Variants in RIMKLB observed in about 807,000 individuals in gnomAD.
The protein encoded by RIMKLB is ribosomal modification protein rimK like family member B.
A neutral mutation model predicts 32.0 loss-of-function variants in RIMKLB; 7 were observed. That is an observed-to-expected ratio of 0.22 (90% CI 0.12 to 0.41). RIMKLB has a LOEUF of 0.41. RIMKLB is among the 10% of genes least tolerant of loss of function. RIMKLB has a pLI of 1.00. For synonymous variants in RIMKLB, 172 were observed against 185.1 expected (o/e 0.93, Z 0.57); for missense variants, 289 against 498.7 (o/e 0.58, Z 4.00).
At chr12:8,716,193 C>T (rs1944812732) in intron 2 of RIMKLB, among the ~76,000 whole-genome samples, 1 of 152,082 alleles carries the variant, frequency 6.6e-6, no homozygotes, top group African/African-American at 2.4e-5. Flanking sequence ...AAATGGGCAT[C>T]TCTATTTTTT....
chr12:8,687,569 C>G (rs1490433744), intron 1 of RIMKLB, among the ~76,000 whole-genome samples: 1 of 152,046 alleles, frequency 6.6e-6, no homozygotes, highest in Admixed American at 6.6e-5. Flanking sequence ...CTCGTCTTTC[C>G]TTTGTAAGTC....
intron 5 of RIMKLB, among the ~76,000 whole-genome samples, chr12:8,761,745 C>G (rs898554741): frequency 1.3e-5 from 2 of 152,044 alleles, no homozygotes; most frequent in African/African-American, 4.8e-5. Flanking sequence ...GTCTGTCAGT[C>G]CCCCCTCTCA....
chr12:8,729,056 A>G (rs753094875), intron 2 of RIMKLB, among the ~76,000 whole-genome samples: 4 of 152,198 alleles, frequency 2.6e-5, no homozygotes, highest in Admixed American at 2.0e-4. Context: ...GGCAAGAGCA[A>G]ACTTCATACT....
At chr12:8,675,279 C>T in the RIMKLB span, among the ~76,000 whole-genome samples, 1 of 152,110 alleles carries the variant, frequency 6.6e-6, no homozygotes, top group African/African-American at 2.4e-5. Flanking sequence ...CTGACCAGTC[C>T]CTACTTTTGA....
At position 8,775,119 on chromosome 12, in the gene RIMKLB, G is replaced by C. The variant is rs943735690; in HGVS notation, c.*1335G>C. On this transcript the variant is annotated 3_prime_UTR_variant, in exon 6 of 6. Coordinates refer to ENST00000535829, the MANE Select transcript of RIMKLB (RefSeq NM_001297776.2). ...GTACGTTGTTTGTTTTTTTCCTTTT[G>C]TTTCTAGCCTGTTCAGTGTACAGTT... 6.1e-6 allele frequency: 6 copies of C among 985,222 alleles called. No individual in the cohort carries two copies. Among genetic ancestry groups the C allele is most frequent in the Non-Finnish European group, 7.2e-6 (6 of 829,766 alleles). 61.0% of individuals were successfully genotyped at this position (985,222 alleles called of 1,614,324 possible). A position where few individuals can be genotyped will look rare whatever the true frequency, so the allele number is the denominator to read the frequency against.
chr12:8,703,283 C>CA (rs201594548), intron 1 of RIMKLB, among the ~76,000 whole-genome samples: 4,871 of 149,686 alleles, frequency 0.033, 261 homozygotes, highest in African/African-American at 0.12. Context: ...GACTCCCTCT[C>CA]AAAAAAAAGA....
intron 5 of RIMKLB, among the ~76,000 whole-genome samples, chr12:8,769,155 A>T (rs1950206545): frequency 6.6e-6 from 1 of 152,146 alleles, no homozygotes; most frequent in Admixed American, 6.5e-5. Context: ...TCTTTGATCC[A>T]AGGGATCAGT....
downstream of RIMKLB, chr12:8,780,742 A>G (rs1462110972): frequency 2.0e-5 from 3 of 152,220 alleles, no homozygotes; most frequent in African/African-American, 7.2e-5. Context: ...TCTAAATGGT[A>G]AGTTATCTTT....
intron 2 of RIMKLB, among the ~76,000 whole-genome samples, chr12:8,736,517 C>CTTTT (rs1157484475): frequency 6.9e-4 from 88 of 126,744 alleles, no homozygotes; most frequent in African/African-American, 2.5e-3. Context: ...CATGTATTTC[C>CTTTT]TTTTTTTTTT....
At chr12:8,706,287 C>A (rs1943871858) in intron 1 of RIMKLB, among the ~76,000 whole-genome samples, 1 of 151,552 alleles carries the variant, frequency 6.6e-6, no homozygotes, top group Non-Finnish European at 1.5e-5. Context: ...TTACAGGTGC[C>A]CACCACCATG....
At chr12:8,712,335 C>T (rs1944446619) in intron 1 of RIMKLB, among the ~76,000 whole-genome samples, 1 of 152,012 alleles carries the variant, frequency 6.6e-6, no homozygotes, top group African/African-American at 2.4e-5. Flanking sequence ...TCACTTGAAC[C>T]CGGGAAGCGG....
chr12:8,668,662 T>A, the RIMKLB span: 1 of 152,344 alleles, frequency 6.6e-6, no homozygotes, highest in African/African-American at 2.4e-5. Context: ...TTTATTAAGA[T>A]GCCCAAGTGG....
intron 2 of RIMKLB, among the ~76,000 whole-genome samples, chr12:8,717,845 T>TC (rs1426131137): frequency 6.6e-6 from 1 of 152,242 alleles, no homozygotes; most frequent in Non-Finnish European, 1.5e-5. Context: ...TGCCTAATCC[T>TC]CCAAGTTTTT....
intron 1 of RIMKLB, among the ~76,000 whole-genome samples, chr12:8,705,399 C>T (rs1943777521): frequency 6.6e-6 from 1 of 151,298 alleles, no homozygotes; most frequent in Admixed American, 6.6e-5. Flanking sequence ...ATCGCTTGAA[C>T]CCGGGAGGCA....
intron 3 of RIMKLB, among the ~76,000 whole-genome samples, chr12:8,750,877 A>T (rs1474711124): frequency 6.7e-6 from 1 of 149,446 alleles, no homozygotes; most frequent in African/African-American, 2.6e-5. Flanking sequence ...GAAAAGATCA[A>T]ACTTAAATCA....
chr12:8,757,372 T>A (rs926499389), intron 5 of RIMKLB, among the ~76,000 whole-genome samples: 12 of 150,324 alleles, frequency 8.0e-5, no homozygotes, highest in Non-Finnish European at 1.2e-4. Flanking sequence ...TATAAAAAAT[T>A]AATTAATTAA....
chr12:8,736,118 G>A (rs141330069), intron 2 of RIMKLB, among the ~76,000 whole-genome samples: 15 of 152,218 alleles, frequency 9.9e-5, no homozygotes, highest in African/African-American at 3.6e-4. Context: ...TTCCTCACAT[G>A]GTAGTGTTTT....
intron 1 of RIMKLB, among the ~76,000 whole-genome samples, chr12:8,689,718 T>C (rs1416553195): frequency 6.6e-6 from 1 of 152,104 alleles, no homozygotes; most frequent in African/African-American, 2.4e-5. Flanking sequence ...CTTTCTCCGG[T>C]GTCTTTGTCT....
intron 5 of RIMKLB, among the ~76,000 whole-genome samples, chr12:8,764,696 C>T (rs1053631725): frequency 1.3e-5 from 2 of 152,178 alleles, no homozygotes; most frequent in Non-Finnish European, 2.9e-5. Flanking sequence ...GCTGCTGGAT[C>T]ATCTGGTTAG....
Sources: allele counts gnomAD v4.1 joint callset (sites outside exome capture counted in the v4.1 genomes callset), GRCh38; gene constraint gnomAD v4.1.1; transcripts MANE v1.5; gene names NCBI Gene and HGNC (gene_info 2026-07-23, HGNC 2026-07-21).